SP110: variants seen among roughly 807,000 people sequenced by gnomAD.
SP110 encodes SP110 nuclear body protein, also known as interferon-induced protein 41, 30kD.
Under a neutral mutation model 92.7 loss-of-function variants are expected in SP110, and 62 were observed. The ratio of observed to expected loss-of-function variants is 0.67; its 90% CI spans 0.55 to 0.83. SP110 has a LOEUF of 0.83. Ranked by LOEUF, SP110 falls within the 40% of genes least tolerant of loss-of-function variation. SP110 has a pLI of 0.00. For missense variants in SP110, 793 were observed against 863.9 expected (o/e 0.92, Z 1.03); for synonymous variants, 273 against 305.3 (o/e 0.89, Z 1.10).
chr2:230,171,225 T>A lies in SP110; in HGVS notation c.1888-464A>T, dbSNP rs1023203145. Among the ~76,000 whole-genome samples the A allele has an allele frequency of 4.6e-5, 7 of 152,350 alleles. 1 individual carries two copies. The highest frequency in any genetic ancestry group is 6.8e-3 in the Middle Eastern group (2 of 294). ...CTCCTGCCTCAGCCTCCTGAGTAGC[T>A]GGGATTAGAGGTGCCTGCCACCATG... On this transcript the variant is annotated intron_variant, in intron 17 of 18. Coordinates refer to ENST00000258381, the MANE Select transcript of SP110 (RefSeq NM_080424.4).
At chr2:230,185,959 G>A in intron 11 of SP110, 35 bp downstream of exon 11, 1 of 1,594,996 alleles carries the variant, frequency 6.3e-7, no homozygotes, top group East Asian at 2.2e-5. Flanking sequence ...CCTACATTGA[G>A]CTATTCAAAT....
intron 17 of SP110, 43 bp downstream of exon 17, chr2:230,171,653 T>C (rs1349173775): frequency 6.7e-7 from 1 of 1,484,082 alleles, no homozygotes; most frequent in Admixed American, 1.7e-5. Flanking sequence ...CCCAAATTTC[T>C]CCAAATGCAT....
upstream of SP110, among the ~76,000 whole-genome samples, chr2:230,223,148 T>C (rs2045962689): frequency 6.6e-6 from 1 of 152,040 alleles, no homozygotes; most frequent in Admixed American, 6.6e-5. Flanking sequence ...GTGATTCTCT[T>C]TCCTCAGCCT....
At chr2:230,195,988 A>T (rs2042854954) in intron 10 of SP110, among the ~76,000 whole-genome samples, 1 of 152,222 alleles carries the variant, frequency 6.6e-6, no homozygotes, top group Non-Finnish European at 1.5e-5. Context: ...ATTTATTTAG[A>T]AATCATCTCT....
chr2:230,191,698 G>C (rs887867936), intron 10 of SP110, among the ~76,000 whole-genome samples: 36 of 152,176 alleles, frequency 2.4e-4, no homozygotes, highest in Non-Finnish European at 2.2e-4. Flanking sequence ...GATTCTACCA[G>C]AAATACAAAG....
intron 10 of SP110, among the ~76,000 whole-genome samples, chr2:230,195,947 A>C (rs948287499): frequency 6.6e-6 from 1 of 152,194 alleles, no homozygotes; most frequent in Non-Finnish European, 1.5e-5. Flanking sequence ...ATATAAGTTA[A>C]AAATGCTCAA....
chr2:230,177,424 T>A, intron 14 of SP110, 114 bp downstream of exon 14: 1 of 1,149,910 alleles, frequency 8.7e-7, no homozygotes, highest in Admixed American at 1.7e-5. Flanking sequence ...ATTTAACTCC[T>A]TATAAATCAT....
chr2:230,169,962 C>T (rs879389384), intron 18 of SP110, among the ~76,000 whole-genome samples: 11 of 152,138 alleles, frequency 7.2e-5, no homozygotes, highest in Non-Finnish European at 1.6e-4. Flanking sequence ...GGTTTGTGAA[C>T]ATGCCAACTC....
chr2:230,220,205 G>A, upstream of SP110: 1 of 344,962 alleles, frequency 2.9e-6, no homozygotes, highest in Non-Finnish European at 4.1e-6. Flanking sequence ...GGGAGGAGGA[G>A]GCATAAGGGT....
At chr2:230,186,557 A>T (rs1054356179) in intron 10 of SP110, among the ~76,000 whole-genome samples, 2 of 152,180 alleles carry the variant, frequency 1.3e-5, no homozygotes, top group African/African-American at 4.8e-5. Context: ...TTTTGGTTAC[A>T]TGGATGAATT....
intron 14 of SP110, chr2:230,177,277 CT>C (rs2041907526): frequency 2.0e-6 from 1 of 493,278 alleles, no homozygotes; most frequent in East Asian, 3.9e-5. Context: ...TTTTTAGGTT[CT>C]TACATCTCTC....
intron 11 of SP110, 145 bp downstream of exon 11, chr2:230,185,849 A>C: frequency 1.2e-6 from 1 of 805,954 alleles, no homozygotes; most frequent in Non-Finnish European, 2.2e-6. Flanking sequence ...ACATCAACAG[A>C]TCCGTGCTCT....
intron 14 of SP110, among the ~76,000 whole-genome samples, chr2:230,175,431 T>C (rs1455650963): frequency 1.3e-5 from 2 of 152,258 alleles, no homozygotes. Context: ...TCTGCAATAC[T>C]GATAGAACTT....
In SP110 at chr2:230,183,650, GAATT is replaced by G. The variant is rs780598791; in HGVS notation, c.1280-14_1280-11del. On this transcript the variant is annotated splice_polypyrimidine_tract_variant and intron_variant, in intron 11 of 18. Coordinates refer to ENST00000258381, the MANE Select transcript of SP110 (RefSeq NM_080424.4). Reference sequence around the variant, plus strand: ...TTCTCCTTTTTCTTTTCTAAACACAGAATTAATAATCACTTATAGCTACAAACAT... The same window carrying G: ...TTCTCCTTTTTCTTTTCTAAACACAGAATAATCACTTATAGCTACAAACAT... The G allele has an allele frequency of 2.1e-6, 3 of 1,428,848 alleles. No homozygotes were observed. Among genetic ancestry groups the G allele is most frequent in the Non-Finnish European group, 3.0e-6 (3 of 1,010,890 alleles). 88.5% of individuals were successfully genotyped at this position (1,428,848 alleles called of 1,614,324 possible).
At chr2:230,177,995 C>G (rs1217223094) in intron 13 of SP110, among the ~76,000 whole-genome samples, 162 bp downstream of exon 13, 1 of 152,148 alleles carries the variant, frequency 6.6e-6, no homozygotes, top group African/African-American at 2.4e-5. Context: ...CCAGAAATAC[C>G]ATGATGTGGA....
At chr2:230,219,993 A>G, upstream of SP110, 1 of 985,640 alleles carries the variant, frequency 1.0e-6, no homozygotes, top group South Asian at 4.7e-5. Context: ...GTGCTTTGAC[A>G]AACGCAGTAA....
At chr2:230,183,882 T>C (rs1423291222) in intron 11 of SP110, among the ~76,000 whole-genome samples, 1 of 152,194 alleles carries the variant, frequency 6.6e-6, no homozygotes. Context: ...TATATGTCAA[T>C]ACATTTACTA....
intron 7 of SP110, among the ~76,000 whole-genome samples, chr2:230,209,550 C>T (rs1462086236): frequency 6.6e-6 from 1 of 152,076 alleles, no homozygotes; most frequent in Non-Finnish European, 1.5e-5. Flanking sequence ...CTGTCTCTCA[C>T]CATGAGGTGT....
chr2:230,214,751 T>C (rs1559180900), intron 3 of SP110, among the ~76,000 whole-genome samples, 199 bp downstream of exon 3: 1 of 152,200 alleles, frequency 6.6e-6, no homozygotes, highest in African/African-American at 2.4e-5. Context: ...TTATGTCCTC[T>C]AGAAGTTCAT....
Sources: gnomAD v4.1 joint callset for allele counts (sites outside exome capture counted in the v4.1 genomes callset) on GRCh38, gnomAD v4.1.1 for gene constraint, MANE v1.5 for transcripts, NCBI Gene and HGNC (gene_info 2026-07-23, HGNC 2026-07-21) for gene names.